The following CDK11B variants were observed in gnomAD, a reference collection of about 807,000 sequenced individuals.
CDK11B encodes the protein cyclin-dependent kinase 11B.
Under a neutral mutation model 84.0 loss-of-function variants are expected in CDK11B, and 37 were observed. That is an observed-to-expected ratio of 0.44 (90% CI 0.34 to 0.58). The LOEUF is 0.58. Among genes scored for constraint, CDK11B ranks in the 20% least tolerant of loss-of-function variants. CDK11B has a pLI of 0.02. For synonymous variants in CDK11B, 269 were observed against 309.8 expected (o/e 0.87, Z 1.38); for missense variants, 427 against 834.0 (o/e 0.51, Z 6.01).
At chr1:1,656,682 T>C (rs1455760781) in intron 2 of CDK11B, among the ~76,000 whole-genome samples, 3 of 151,888 alleles carry the variant, frequency 2.0e-5, no homozygotes, top group African/African-American at 4.8e-5. Flanking sequence ...CCCAGCTACT[T>C]GGGAGGCTGA....
chr1:1,637,607 G>C, intron 13 of CDK11B, 94 bp from the exon 14 acceptor site: 3 of 1,608,524 alleles, frequency 1.9e-6, no homozygotes, highest in Non-Finnish European at 1.7e-6. Context: ...AAGGACCTCC[G>C]GTGCCACCCG....
In CDK11B at chr1:1,651,998, G is replaced by A. The variant is rs1300770646; in HGVS notation, c.355+441C>T. Among the ~76,000 whole-genome samples, 11 of 151,114 alleles carry A rather than the reference G, an allele frequency of 7.3e-5. No individual in the cohort carries two copies. The South Asian group carries it at 8.4e-4, about 11-fold the overall frequency. The stretch of plus-strand genomic sequence containing the variant: ...CCCTTCTGAATGGTCTGTGACACAC[G>A]CGTGCTTTCAGCTAGAGTTTGCTCT... On this transcript the variant is annotated intron_variant, in intron 4 of 19. Coordinates refer to ENST00000341832, the MANE Select transcript of CDK11B (RefSeq NM_033486.3).
intron 4 of CDK11B, among the ~76,000 whole-genome samples, chr1:1,652,183 C>T (rs1474754552): frequency 6.6e-5 from 10 of 151,960 alleles, no homozygotes; most frequent in East Asian, 1.9e-4. Context: ...TTTGCTCTTT[C>T]TGGTTTTCGG....
chr1:1,657,087 A>AATG (rs1050322414), intron 2 of CDK11B, among the ~76,000 whole-genome samples: 10 of 150,882 alleles, frequency 6.6e-5, no homozygotes, highest in Admixed American at 2.0e-4. Context: ...TGAACATACT[A>AATG]ATGAACCGAG....
intron 3 of CDK11B, among the ~76,000 whole-genome samples, chr1:1,652,887 G>A (rs1478038387): frequency 1.1e-4 from 17 of 152,052 alleles, no homozygotes; most frequent in African/African-American, 4.1e-4. Flanking sequence ...CGCCACGCTG[G>A]CTAATTTTTG....
chr1:1,640,988 G>A (rs1472646492), intron 10 of CDK11B, 60 bp downstream of exon 10: 21 of 1,593,374 alleles, frequency 1.3e-5, no homozygotes, highest in Non-Finnish European at 1.6e-5. Flanking sequence ...TGTCTTAGGA[G>A]AGGGCTGCTG....
intron 2 of CDK11B, among the ~76,000 whole-genome samples, chr1:1,656,167 A>AT (rs1258419550): frequency 2.0e-5 from 3 of 151,974 alleles, no homozygotes; most frequent in South Asian, 2.1e-4. Flanking sequence ...AGTCACACAG[A>AT]TTTTTTGGTT....
chr1:1,636,697 G>C lies in CDK11B; in HGVS notation c.1902C>G (p.Ile634Met), dbSNP rs779410025. The change falls in exon 17 of 20, where the codon ATC (isoleucine) becomes ATG (methionine). Residue 634 changes from isoleucine to methionine, a missense_variant. Around this residue, in one of 12 missense-constraint regions of CDK11B, gnomAD observed 170 missense variants for 196.0 expected, o/e 0.87. Transcript: ENST00000341832. Reference sequence around the variant, plus strand: ...CCAGACCCACCTTGAACACCTTGTTGATCTGATCGATTTCTGACTTCCCGG... The same window carrying C: ...CCAGACCCACCTTGAACACCTTGTTCATCTGATCGATTTCTGACTTCCCGG... ...LFPGKSEIDQ[I>M]NKVFKDLGTP... 3 of 1,614,000 alleles carry C rather than the reference G, an allele frequency of 1.9e-6. No individual in the cohort carries two copies. Among genetic ancestry groups the C allele is most frequent in the East Asian group, 2.2e-5 (1 of 44,886 alleles).
At chr1:1,651,356 A>G (rs1270993868) in intron 4 of CDK11B, among the ~76,000 whole-genome samples, 2 of 151,970 alleles carry the variant, frequency 1.3e-5, no homozygotes, top group Non-Finnish European at 1.5e-5. Context: ...GCTTTCAGCT[A>G]GAGTTTGCTC....
chr1:1,648,858 C>G (rs4648757), intron 5 of CDK11B, among the ~76,000 whole-genome samples: 8,578 of 152,058 alleles, frequency 0.056, 418 homozygotes, highest in East Asian at 0.27. Flanking sequence ...CAGCCTTGAC[C>G]TCCAGGCTCA....
intron 3 of CDK11B, among the ~76,000 whole-genome samples, chr1:1,654,734 C>T (rs1642497651): frequency 6.6e-6 from 1 of 151,510 alleles, no homozygotes; most frequent in Non-Finnish European, 1.5e-5. Flanking sequence ...TCTTGTCTCA[C>T]TGCAAGCTCC....
At chr1:1,656,794 G>A (rs1180841082) in intron 2 of CDK11B, among the ~76,000 whole-genome samples, 18 of 152,110 alleles carry the variant, frequency 1.2e-4, no homozygotes, top group African/African-American at 3.6e-4. Flanking sequence ...TTGGAAAAAT[G>A]CTCAATGCAG....
intron 5 of CDK11B, 83 bp downstream of exon 5, chr1:1,649,416 T>C (rs1338388340): frequency 5.4e-6 from 6 of 1,106,082 alleles, no homozygotes; most frequent in East Asian, 2.4e-5. Flanking sequence ...GTGACTTCTA[T>C]TGCCAAATTC....
At chr1:1,638,325 G>C (rs1263841447) in intron 12 of CDK11B, among the ~76,000 whole-genome samples, 175 bp downstream of exon 12, 1 of 152,154 alleles carries the variant, frequency 6.6e-6, no homozygotes, top group Non-Finnish European at 1.5e-5. Flanking sequence ...GCCTGCTACT[G>C]CAAGGGAGTG....
chr1:1,657,639 C>T lies in CDK11B; in HGVS notation c.-13-141G>A. 7 of 691,378 alleles carry T rather than the reference C, an allele frequency of 1.0e-5. 1 individual carries two copies. In the South Asian group the frequency reaches 1.2e-4, roughly 12 times the overall value. The allele number at this position is 691,378 out of a possible 1,614,324, so 42.8% of individuals were successfully genotyped here. A position where few individuals can be genotyped will look rare whatever the true frequency, so the allele number is the denominator to read the frequency against. ...TTGTGCCCGGCGCAGTGGCTCAAGA[C>T]GGTAACCCTAGCACTTTGGGAGGCC... On this transcript the variant is annotated intron_variant, in intron 1 of 19. Transcript: ENST00000341832.
rs1279332570 is a variant in CDK11B, at chr1:1,652,300, G to T, written c.355+139C>A. ...TATTCTCTCTATAGCCATTCTGAACGGTCTGTGACACACGTATGCTTTCAG... is the reference window on the plus strand; with the variant it reads ...TATTCTCTCTATAGCCATTCTGAACTGTCTGTGACACACGTATGCTTTCAG... On this transcript the variant is annotated intron_variant, in intron 4 of 19. Transcript: ENST00000341832. 4,116 of 642,406 alleles carry T rather than the reference G, an allele frequency of 6.4e-3. 134 individuals are homozygous for T. The African/African-American group carries it at 0.068, about 11-fold the overall frequency. The allele number at this position is 642,406 out of a possible 1,614,324, so 39.8% of individuals were successfully genotyped here. A position where few individuals can be genotyped will look rare whatever the true frequency, so the allele number is the denominator to read the frequency against.
intron 5 of CDK11B, chr1:1,646,657 T>C (rs1641168786): frequency 1.9e-6 from 1 of 518,762 alleles, no homozygotes; most frequent in Non-Finnish European, 3.9e-6. Flanking sequence ...GTCATTTCTA[T>C]TCAACTTGAA....
chr1:1,650,091 A>T (rs1302353712), intron 4 of CDK11B, among the ~76,000 whole-genome samples: 5 of 151,122 alleles, frequency 3.3e-5, no homozygotes, highest in Admixed American at 6.6e-5. Context: ...TAACACGGTG[A>T]AACCCCATCT....
Position 1,649,490 on chromosome 1 carries a change from C to G in CDK11B, c.494+9G>C, listed in dbSNP as rs1399564989. 2 of 1,562,320 alleles carry G rather than the reference C, an allele frequency of 1.3e-6. No homozygotes were observed. The highest frequency in any genetic ancestry group is 3.3e-5 in the Admixed American group (2 of 59,944). Reference sequence around the variant, plus strand: ...TTTATAAAGTCCTCAACTGACCCAGCCGACTCACCTTTCTCTCCTGGAATG... The same window carrying G: ...TTTATAAAGTCCTCAACTGACCCAGGCGACTCACCTTTCTCTCCTGGAATG... On this transcript the variant is annotated intron_variant, in intron 5 of 19. Coordinates refer to ENST00000341832, the MANE Select transcript of CDK11B (RefSeq NM_033486.3).
Sources: allele counts gnomAD v4.1 joint callset (sites outside exome capture counted in the v4.1 genomes callset), GRCh38; gene constraint gnomAD v4.1.1; regional missense constraint gnomAD v4.1.1; transcripts MANE v1.5; gene names NCBI Gene and HGNC (gene_info 2026-07-23, HGNC 2026-07-21).